Variants in CFAP299 observed in about 807,000 individuals in gnomAD.
CFAP299 encodes cilia and flagella associated protein 299.
CFAP299 carries 21 observed loss-of-function variants against 27.0 expected under a neutral mutation model. The observed-to-expected ratio is 0.78, with a 90% CI of 0.55 to 1.12. The LOEUF is 1.12. CFAP299 is among the 50% of genes most tolerant of loss of function. CFAP299 has a pLI of 0.00. For synonymous variants in CFAP299, 104 were observed against 98.1 expected (o/e 1.06, Z -0.36); for missense variants, 310 against 276.6 (o/e 1.12, Z -0.86).
chr4:80,427,890 G>A (rs1727603146), intron 2 of CFAP299, among the ~76,000 whole-genome samples: 1 of 151,742 alleles, frequency 6.6e-6, no homozygotes, highest in Non-Finnish European at 1.5e-5. Flanking sequence ...TCAGATTTTT[G>A]ATATTTATTA....
At chr4:80,858,557 T>C (rs1404698930) in intron 3 of CFAP299, among the ~76,000 whole-genome samples, 1 of 152,180 alleles carries the variant, frequency 6.6e-6, no homozygotes, top group Non-Finnish European at 1.5e-5. Flanking sequence ...GTGCTATAAA[T>C]TTCCCTCTAC....
chr4:80,780,247 G>T (rs1726794454), intron 3 of CFAP299, among the ~76,000 whole-genome samples: 1 of 151,922 alleles, frequency 6.6e-6, no homozygotes, highest in Non-Finnish European at 1.5e-5. Context: ...CATGTCTTTA[G>T]CTGCTATTGC....
chr4:80,606,224 T>G lies in CFAP299; in HGVS notation c.333+23041T>G, dbSNP rs143311679. Among the ~76,000 whole-genome samples the G allele has an allele frequency of 5.1e-3, 773 of 152,324 alleles. 6 individuals are homozygous for G. The highest frequency in any genetic ancestry group is 0.017 in the Middle Eastern group (5 of 292). On this transcript the variant is annotated intron_variant, in intron 3 of 5. Transcript: ENST00000358105. Reference sequence around the variant, plus strand: ...AGTCTTTTCAGAAATACTCTGAGTATAGTATGTACAAAGGTATATAGCCAT... The same window carrying G: ...AGTCTTTTCAGAAATACTCTGAGTAGAGTATGTACAAAGGTATATAGCCAT...
intron 2 of CFAP299, among the ~76,000 whole-genome samples, chr4:80,548,493 A>G (rs1295159573): frequency 1.3e-5 from 2 of 152,160 alleles, no homozygotes; most frequent in Non-Finnish European, 1.5e-5. Context: ...GTGACATGCA[A>G]TTTACCCAGG....
At chr4:80,433,793 A>G (rs568601363) in intron 2 of CFAP299, among the ~76,000 whole-genome samples, 55 of 152,298 alleles carry the variant, frequency 3.6e-4, no homozygotes, top group Non-Finnish European at 1.0e-4. Context: ...TGAAGTTATA[A>G]TATTACATTA....
chr4:80,612,130 C>A (rs1738016038), intron 3 of CFAP299, among the ~76,000 whole-genome samples: 1 of 151,732 alleles, frequency 6.6e-6, no homozygotes, highest in Non-Finnish European at 1.5e-5. Flanking sequence ...AAACACATAA[C>A]CTCCCACAAT....
At chr4:80,849,977 C>T (rs1377165288) in intron 3 of CFAP299, among the ~76,000 whole-genome samples, 1 of 151,506 alleles carries the variant, frequency 6.6e-6, no homozygotes, top group Non-Finnish European at 1.5e-5. Context: ...CACACAGTAC[C>T]CTATAAATAT....
intron 2 of CFAP299, among the ~76,000 whole-genome samples, chr4:80,488,766 G>A (rs192331142): frequency 0.013 from 2,026 of 152,236 alleles, 23 homozygotes; most frequent in Non-Finnish European, 0.02. Flanking sequence ...GTGAGCCACC[G>A]CACCCGGCCG....
At chr4:80,864,523 TATATAC>T (rs1310935720) in intron 3 of CFAP299, among the ~76,000 whole-genome samples, 2 of 147,540 alleles carry the variant, frequency 1.4e-5, no homozygotes, top group East Asian at 3.9e-4. Context: ...TATATACGTA[TATATAC>T]ATATACGTAT....
chr4:80,893,664 CA>C (rs202113225), intron 4 of CFAP299, among the ~76,000 whole-genome samples: 2,424 of 132,220 alleles, frequency 0.018, 52 homozygotes, highest in African/African-American at 0.05. Context: ...TGAATACATG[CA>C]AAAAAAAAAA....
chr4:80,368,650 G>A (rs554847236), intron 2 of CFAP299, among the ~76,000 whole-genome samples: 6 of 151,842 alleles, frequency 4.0e-5, no homozygotes, highest in Non-Finnish European at 8.8e-5. Context: ...TGATGAAGTC[G>A]GATAAAATTC....
chr4:80,436,360 G>A (rs1263361290), intron 2 of CFAP299, among the ~76,000 whole-genome samples: 5 of 150,066 alleles, frequency 3.3e-5, no homozygotes, highest in East Asian at 2.0e-4. Flanking sequence ...GTGCAGTGGC[G>A]CGATCTCAGC....
intron 2 of CFAP299, among the ~76,000 whole-genome samples, chr4:80,512,247 T>TGTGTGC (rs1732346600): frequency 6.7e-6 from 1 of 149,026 alleles, no homozygotes; most frequent in Non-Finnish European, 1.5e-5. Context: ...TGTGTGTGCA[T>TGTGTGC]GTGTGTGTGT....
chr4:80,884,085 T>G (rs1733852519), intron 4 of CFAP299, among the ~76,000 whole-genome samples: 1 of 152,190 alleles, frequency 6.6e-6, no homozygotes, highest in African/African-American at 2.4e-5. Context: ...GTCTCGTCAT[T>G]TAGCTCCCAC....
chr4:80,354,700 G>T (rs1723179225), intron 1 of CFAP299, among the ~76,000 whole-genome samples: 1 of 151,992 alleles, frequency 6.6e-6, no homozygotes, highest in South Asian at 2.1e-4. Flanking sequence ...AGCTGCCAGT[G>T]TGTGTTTTTT....
chr4:80,328,056 A>C, the CFAP299 span, among the ~76,000 whole-genome samples: 1 of 152,080 alleles, frequency 6.6e-6, no homozygotes, highest in African/African-American at 2.4e-5. Context: ...TTTGAAAACA[A>C]GAAAGTAATT....
intron 2 of CFAP299, among the ~76,000 whole-genome samples, chr4:80,390,603 A>ATG (rs1725312068): frequency 7.1e-6 from 1 of 140,822 alleles, no homozygotes; most frequent in Non-Finnish European, 1.5e-5. Flanking sequence ...GTATATATGT[A>ATG]TACACACATA....
intron 2 of CFAP299, among the ~76,000 whole-genome samples, chr4:80,517,062 A>G (rs1430780011): frequency 6.6e-6 from 1 of 152,208 alleles, no homozygotes; most frequent in African/African-American, 2.4e-5. Flanking sequence ...CTAAGGACAG[A>G]TGAGCTTCCA....
At chr4:80,564,204 C>A (rs557117985) in intron 2 of CFAP299, among the ~76,000 whole-genome samples, 25 of 151,822 alleles carry the variant, frequency 1.6e-4, no homozygotes, top group Admixed American at 1.5e-3. Flanking sequence ...ATCCTGATAC[C>A]AAAATGAGAC....
Sources: gnomAD v4.1 joint callset for allele counts (sites outside exome capture counted in the v4.1 genomes callset) on GRCh38, gnomAD v4.1.1 for gene constraint, MANE v1.5 for transcripts, NCBI Gene and HGNC (gene_info 2026-07-23, HGNC 2026-07-21) for gene names.